Variants in CSNK2A2IP observed in about 807,000 individuals in gnomAD.
CSNK2A2IP encodes casein kinase 2 subunit alpha' interacting protein.
the CSNK2A2IP span, among the ~76,000 whole-genome samples, chr3:88,443,110 G>A: frequency 6.6e-6 from 1 of 152,208 alleles, no homozygotes; most frequent in African/African-American, 2.4e-5. Context: ...ACAGATGTAT[G>A]AGCTTTCAAA....
At chr3:88,453,308 G>T in the CSNK2A2IP span, among the ~76,000 whole-genome samples, 1 of 152,064 alleles carries the variant, frequency 6.6e-6, no homozygotes, top group Admixed American at 6.6e-5. Context: ...TAGATATTGA[G>T]AGTTTGGCAG....
the CSNK2A2IP span, among the ~76,000 whole-genome samples, chr3:88,446,932 A>G: frequency 2.6e-5 from 4 of 152,162 alleles, no homozygotes; most frequent in Non-Finnish European, 4.4e-5. Flanking sequence ...AGATTTCTCT[A>G]TTAACTTTAT....
chr3:88,346,444 G>A, the CSNK2A2IP span, among the ~76,000 whole-genome samples: 1 of 151,980 alleles, frequency 6.6e-6, no homozygotes, highest in Non-Finnish European at 1.5e-5. Context: ...TCAAAAGACA[G>A]GCTGACTCTT....
chr3:88,451,409 C>T, the CSNK2A2IP span, among the ~76,000 whole-genome samples: 547 of 125,324 alleles, frequency 4.4e-3, 3 homozygotes, highest in African/African-American at 0.014. Flanking sequence ...AAGAGTTTTG[C>T]CTATTTTAAA....
At chr3:88,363,356 C>T in the CSNK2A2IP span, among the ~76,000 whole-genome samples, 1 of 152,120 alleles carries the variant, frequency 6.6e-6, no homozygotes, top group South Asian at 2.1e-4. Context: ...AGTGTATTTC[C>T]CTTCAGTCGT....
chr3:88,424,574 C>T, the CSNK2A2IP span, among the ~76,000 whole-genome samples: 1 of 152,074 alleles, frequency 6.6e-6, no homozygotes, highest in Non-Finnish European at 1.5e-5. Context: ...ACAATTACTG[C>T]AAACTGTGCA....
At chr3:88,348,368 G>A in the CSNK2A2IP span, among the ~76,000 whole-genome samples, 1 of 151,936 alleles carries the variant, frequency 6.6e-6, no homozygotes, top group Non-Finnish European at 1.5e-5. Flanking sequence ...TGTAATAATG[G>A]GTCAGACAGT....
chr3:88,346,115 G>A, the CSNK2A2IP span, among the ~76,000 whole-genome samples: 1 of 151,996 alleles, frequency 6.6e-6, no homozygotes, highest in Non-Finnish European at 1.5e-5. Context: ...GCCAAATCCA[G>A]AGCAAGGCTT....
the CSNK2A2IP span, among the ~76,000 whole-genome samples, chr3:88,453,512 C>T: frequency 6.6e-6 from 1 of 152,042 alleles, no homozygotes; most frequent in South Asian, 2.1e-4. Context: ...ATATTTAAGA[C>T]ATCTATACAT....
At chr3:88,402,238 A>C in the CSNK2A2IP span, among the ~76,000 whole-genome samples, 2 of 152,084 alleles carry the variant, frequency 1.3e-5, no homozygotes, top group Non-Finnish European at 2.9e-5. Flanking sequence ...TATGTTCACC[A>C]AAACAATGAA....
the CSNK2A2IP span, among the ~76,000 whole-genome samples, chr3:88,404,515 A>G: frequency 6.6e-6 from 1 of 152,084 alleles, no homozygotes; most frequent in African/African-American, 2.4e-5. Flanking sequence ...TTTTAATTTA[A>G]ACTTTAATCT....
the CSNK2A2IP span, among the ~76,000 whole-genome samples, chr3:88,459,949 T>A: frequency 6.6e-6 from 1 of 152,156 alleles, no homozygotes; most frequent in Non-Finnish European, 1.5e-5. Flanking sequence ...TTTCTGCGAA[T>A]GAACTAAGTG....
chr3:88,352,582 A>T, the CSNK2A2IP span, among the ~76,000 whole-genome samples: 58 of 152,040 alleles, frequency 3.8e-4, no homozygotes, highest in African/African-American at 8.7e-4. Flanking sequence ...TTAATTAATT[A>T]ATTTATTTAT....
chr3:88,343,469 A>G, the CSNK2A2IP span, among the ~76,000 whole-genome samples: 8 of 151,922 alleles, frequency 5.3e-5, no homozygotes, highest in Non-Finnish European at 1.2e-4. Context: ...ATTCAGCATT[A>G]TTACTAGGCG....
the CSNK2A2IP span, among the ~76,000 whole-genome samples, chr3:88,394,529 C>CG: frequency 6.6e-6 from 1 of 152,100 alleles, no homozygotes; most frequent in Admixed American, 6.5e-5. Context: ...TCCGCCACCA[C>CG]GGCCAGCGAA....
At chr3:88,424,614 G>T in the CSNK2A2IP span, among the ~76,000 whole-genome samples, 1 of 152,112 alleles carries the variant, frequency 6.6e-6, no homozygotes, top group Non-Finnish European at 1.5e-5. Flanking sequence ...TACATGGAAA[G>T]ATTTCTATGT....
At chr3:88,425,946 G>C in the CSNK2A2IP span, among the ~76,000 whole-genome samples, 1 of 152,108 alleles carries the variant, frequency 6.6e-6, no homozygotes, top group Non-Finnish European at 1.5e-5. Flanking sequence ...AAGTCAGTGA[G>C]GCATTCACTA....
the CSNK2A2IP span, among the ~76,000 whole-genome samples, chr3:88,360,244 C>T: frequency 6.6e-6 from 1 of 151,832 alleles, no homozygotes; most frequent in Non-Finnish European, 1.5e-5. Flanking sequence ...CGCCATTCTC[C>T]TGCCTCAGCC....
the CSNK2A2IP span, among the ~76,000 whole-genome samples, chr3:88,416,539 T>C: frequency 2.0e-5 from 3 of 152,166 alleles, no homozygotes; most frequent in Non-Finnish European, 4.4e-5. Flanking sequence ...AGATCAGTAA[T>C]GCATTGTTAT....
Sources: gnomAD v4.1 joint callset for allele counts (sites outside exome capture counted in the v4.1 genomes callset) on GRCh38, gnomAD v4.1.1 for gene constraint, MANE v1.5 for transcripts, NCBI Gene and HGNC (gene_info 2026-07-23, HGNC 2026-07-21) for gene names.